DISC1: variants seen among roughly 807,000 people sequenced by gnomAD.
DISC1 encodes the protein DISC1 scaffold protein.
In DISC1, 57 loss-of-function variants were observed where a neutral mutation model predicts 84.5. That is an observed-to-expected ratio of 0.67 (90% CI 0.55 to 0.84). DISC1 has a LOEUF of 0.84. Ranked by LOEUF, DISC1 falls within the 40% of genes least tolerant of loss-of-function variation. The pLI is 0.00. For missense variants in DISC1, 1,000 were observed against 1,057.8 expected (o/e 0.95, Z 0.76); for synonymous variants, 411 against 415.2 (o/e 0.99, Z 0.12).
intron 9 of DISC1, among the ~76,000 whole-genome samples, chr1:231,861,088 G>C (rs151231022): frequency 6.6e-6 from 1 of 152,046 alleles, no homozygotes; most frequent in Non-Finnish European, 1.5e-5. Context: ...TGTGAATGTC[G>C]GCACAGGAAA....
chr1:231,747,611 A>G (rs1298250352), intron 3 of DISC1, among the ~76,000 whole-genome samples: 1 of 152,182 alleles, frequency 6.6e-6, no homozygotes, highest in Non-Finnish European at 1.5e-5. Context: ...ATACTGTTCC[A>G]TCGGTCCGTG....
intron 9 of DISC1, among the ~76,000 whole-genome samples, chr1:231,834,543 AT>A (rs1255341872): frequency 6.6e-6 from 1 of 152,170 alleles, no homozygotes; most frequent in Non-Finnish European, 1.5e-5. Context: ...TTTTCTGGCT[AT>A]TTGGAACCAC....
intron 10 of DISC1, among the ~76,000 whole-genome samples, chr1:231,977,702 G>A (rs763296000): frequency 1.4e-4 from 21 of 152,062 alleles, no homozygotes; most frequent in Admixed American, 3.3e-4. Flanking sequence ...TCTACCACCC[G>A]CACCCTAGCA....
chr1:231,754,591 C>A (rs547327454), intron 4 of DISC1, among the ~76,000 whole-genome samples: 1 of 152,292 alleles, frequency 6.6e-6, no homozygotes, highest in Admixed American at 6.5e-5. Flanking sequence ...TTGGGGATTA[C>A]AATTCAACAT....
chr1:231,780,327 A>T (rs1483439211), intron 6 of DISC1, among the ~76,000 whole-genome samples: 2 of 152,196 alleles, frequency 1.3e-5, no homozygotes, highest in Non-Finnish European at 2.9e-5. Context: ...TTTTAAGTTA[A>T]CAGGCTATAT....
intron 3 of DISC1, chr1:231,702,275 A>G (rs1466949674): frequency 1.7e-6 from 2 of 1,178,038 alleles, no homozygotes; most frequent in African/African-American, 3.2e-5. Flanking sequence ...TACTCACACA[A>G]TAAAAATTAT....
chr1:232,002,772 A>C (rs975990706), intron 10 of DISC1, among the ~76,000 whole-genome samples: 7 of 152,194 alleles, frequency 4.6e-5, no homozygotes, highest in African/African-American at 1.7e-4. Context: ...GGACGTAGGC[A>C]GGTGTGGTTA....
intron 6 of DISC1, among the ~76,000 whole-genome samples, chr1:231,777,365 T>C (rs1191095849): frequency 2.6e-5 from 4 of 152,078 alleles, no homozygotes; most frequent in Non-Finnish European, 5.9e-5. Flanking sequence ...GGATTATAGG[T>C]GCATGTCACC....
intron 9 of DISC1, among the ~76,000 whole-genome samples, chr1:231,956,099 T>C (rs964282122): frequency 4.6e-5 from 7 of 152,030 alleles, no homozygotes; most frequent in African/African-American, 1.2e-4. Context: ...TGCCCCCCAA[T>C]GTGGAGGGAA....
intron 3 of DISC1, chr1:231,721,059 T>C: frequency 7.7e-7 from 1 of 1,290,972 alleles, no homozygotes; most frequent in African/African-American, 1.5e-5. Context: ...TTCCCAGCTT[T>C]TTTCCAGAGC....
intron 10 of DISC1, among the ~76,000 whole-genome samples, chr1:231,964,055 T>C (rs1660761513): frequency 6.6e-6 from 1 of 152,200 alleles, no homozygotes; most frequent in African/African-American, 2.4e-5. Flanking sequence ...GGATTTCATT[T>C]CTGCCTTTTA....
chr1:232,021,257 C>T (rs1257544210), intron 11 of DISC1, among the ~76,000 whole-genome samples: 2 of 151,992 alleles, frequency 1.3e-5, no homozygotes, highest in Non-Finnish European at 2.9e-5. Context: ...GGTCGTATTG[C>T]ACTCAGATAT....
At chr1:232,004,977 CTTCCATCCTTCTTCTCTTCT>C (rs1667209253) in intron 10 of DISC1, among the ~76,000 whole-genome samples, 3 of 106,312 alleles carry the variant, frequency 2.8e-5, no homozygotes, top group Admixed American at 8.6e-5. Context: ...TCTTCCCTTC[CTTCCATCCTTCTTCTCTTCT>C]TTCCTTCCTT....
At chr1:231,864,355 A>G (rs759011306) in intron 9 of DISC1, among the ~76,000 whole-genome samples, 2 of 152,088 alleles carry the variant, frequency 1.3e-5, no homozygotes, top group Admixed American at 6.5e-5. Context: ...ATATATTGGT[A>G]GTGTCATTAG....
chr1:231,663,541 G>A (rs1435137751), intron 1 of DISC1, among the ~76,000 whole-genome samples: 1 of 152,094 alleles, frequency 6.6e-6, no homozygotes, highest in African/African-American at 2.4e-5. Context: ...CCTACAACTT[G>A]CAATGAACAT....
intron 8 of DISC1, among the ~76,000 whole-genome samples, chr1:231,802,375 G>T (rs1014811925): frequency 6.6e-6 from 1 of 152,046 alleles, no homozygotes; most frequent in Non-Finnish European, 1.5e-5. Context: ...TTGTGAAGAA[G>T]GTGCCTTGCT....
intron 9 of DISC1, among the ~76,000 whole-genome samples, chr1:231,848,707 A>G (rs1201331714): frequency 1.3e-5 from 2 of 152,188 alleles, no homozygotes; most frequent in East Asian, 1.9e-4. Context: ...ACTTTCAGCC[A>G]GTTACTTAAC....
intron 9 of DISC1, among the ~76,000 whole-genome samples, chr1:231,956,442 C>T (rs1659515136): frequency 6.6e-6 from 1 of 152,134 alleles, no homozygotes; most frequent in South Asian, 2.1e-4. Context: ...TCTCCATCAT[C>T]TTTTCCTGGA....
intron 3 of DISC1, chr1:231,724,009 G>GC: frequency 1.0e-6 from 1 of 985,424 alleles, no homozygotes; most frequent in East Asian, 1.1e-4. Flanking sequence ...CAAAAATGCA[G>GC]CCCACTCTGA....
Sources: gnomAD v4.1 joint callset for allele counts (sites outside exome capture counted in the v4.1 genomes callset) on GRCh38, gnomAD v4.1.1 for gene constraint, MANE v1.5 for transcripts, NCBI Gene and HGNC (gene_info 2026-07-23, HGNC 2026-07-21) for gene names.